Variants in FGF12 observed in about 807,000 individuals in gnomAD.
FGF12 encodes the protein fibroblast growth factor 12B.
In FGF12, 14 loss-of-function variants were observed where a neutral mutation model predicts 23.6. The observed-to-expected ratio is 0.59, with a 90% CI of 0.39 to 0.93. The LOEUF (loss-of-function observed/expected upper bound fraction) is 0.93, where lower values mean the gene tolerates loss of function less well. Among genes scored for constraint, FGF12 ranks in the 40% least tolerant of loss-of-function variants. The probability of loss-of-function intolerance (pLI) is 0.00; values close to 1 mark genes in which losing one functional copy is unlikely to be tolerated. For missense variants in FGF12, 175 were observed against 217.8 expected (o/e 0.80, Z 1.24); for synonymous variants, 62 against 77.3 (o/e 0.80, Z 1.04).
chr3:192,727,265 A>G lies in FGF12; in HGVS notation c.-72T>C. On this transcript the variant is annotated 5_prime_UTR_variant, in exon 2 of 6. Coordinates refer to ENST00000445105, the MANE Select transcript of FGF12 (RefSeq NM_004113.6). ...AGATGTGGGCCCGCTTCAGATTCCC[A>G]AATCTGGGAAGCCAATCTGATGATT... The G allele has an allele frequency of 1.3e-6, 2 of 1,555,392 alleles. No individual in the cohort carries two copies. The highest frequency in any genetic ancestry group is 8.7e-7 in the Non-Finnish European group (1 of 1,149,214).
chr3:192,622,857 C>T (rs1464976666), intron 2 of FGF12, among the ~76,000 whole-genome samples: 1 of 152,148 alleles, frequency 6.6e-6, no homozygotes, highest in Non-Finnish European at 1.5e-5. Context: ...GGGTGGCCTT[C>T]CTGGACAACC....
intron 2 of FGF12, among the ~76,000 whole-genome samples, chr3:192,368,536 C>A (rs921384891): frequency 6.6e-6 from 1 of 152,110 alleles, no homozygotes; most frequent in Non-Finnish European, 1.5e-5. Flanking sequence ...GAGCAGGGAG[C>A]AGCAAGTATA....
intron 2 of FGF12, among the ~76,000 whole-genome samples, chr3:192,367,640 A>G (rs982567449): frequency 6.6e-6 from 1 of 152,194 alleles, no homozygotes; most frequent in African/African-American, 2.4e-5. Flanking sequence ...CTACTGATCT[A>G]TGGGGATTCA....
intron 4 of FGF12, among the ~76,000 whole-genome samples, chr3:192,307,356 G>A (rs532205889): frequency 6.6e-6 from 1 of 152,292 alleles, no homozygotes; most frequent in South Asian, 2.1e-4. Flanking sequence ...TCCAGGGTAC[G>A]CTTTAGGTAA....
intron 2 of FGF12, among the ~76,000 whole-genome samples, chr3:192,630,554 A>ATTTT (rs10695787): frequency 8.5e-5 from 12 of 140,362 alleles, no homozygotes; most frequent in Non-Finnish European, 1.1e-4. Context: ...AAAAAATTCA[A>ATTTT]TTTTTTTTTT....
chr3:192,719,163 T>C (rs1370220059), intron 2 of FGF12, among the ~76,000 whole-genome samples: 1 of 152,218 alleles, frequency 6.6e-6, no homozygotes, highest in Non-Finnish European at 1.5e-5. Context: ...ATGCACCATG[T>C]GTATTTTATG....
chr3:192,175,218 TCCC>T (rs1192983456), intron 4 of FGF12, among the ~76,000 whole-genome samples: 3 of 152,120 alleles, frequency 2.0e-5, no homozygotes, highest in Admixed American at 2.0e-4. Context: ...GGTGATAAAA[TCCC>T]AGGCCACCTT....
At chr3:192,426,427 A>T (rs1721689093) in intron 2 of FGF12, among the ~76,000 whole-genome samples, 1 of 152,236 alleles carries the variant, frequency 6.6e-6, no homozygotes, top group Non-Finnish European at 1.5e-5. Context: ...GAACAAATAC[A>T]GGTATAAAGT....
chr3:192,378,036 T>C (rs544193864), intron 2 of FGF12, among the ~76,000 whole-genome samples: 4,906 of 65,878 alleles, frequency 0.074, 436 homozygotes, highest in Middle Eastern at 0.12. Flanking sequence ...TTTTCTTTCT[T>C]TCTTTCTTTC....
chr3:192,378,227 T>A (rs191953838), intron 2 of FGF12, among the ~76,000 whole-genome samples: 110 of 149,702 alleles, frequency 7.3e-4, no homozygotes, highest in Non-Finnish European at 1.3e-3. Context: ...TCTCCCGCCT[T>A]AGCCTCCTGA....
In FGF12 at chr3:192,514,314, A is replaced by T. The variant is rs1724588417; in HGVS notation, c.14-153776T>A. Reference sequence around the variant, plus strand: ...GAGCAACTTTTCGGAGACACTGAACAACTCCAAGTCGCGCGCCGCCCTCGC... The same window carrying T: ...GAGCAACTTTTCGGAGACACTGAACTACTCCAAGTCGCGCGCCGCCCTCGC... On this transcript the variant is annotated intron_variant, in intron 2 of 5. Transcript: ENST00000445105. The surrounding 1 kb of genome is among the most constrained non-coding windows in gnomAD (Gnocchi z 4.9). Among the ~76,000 whole-genome samples the T allele has an allele frequency of 6.6e-6, 1 of 152,240 alleles. No individual in the cohort carries two copies. Among genetic ancestry groups the T allele is most frequent in the South Asian group, 2.1e-4 (1 of 4,836 alleles).
chr3:192,584,900 C>T (rs1448237238), intron 2 of FGF12, among the ~76,000 whole-genome samples: 1 of 152,052 alleles, frequency 6.6e-6, no homozygotes, highest in Non-Finnish European at 1.5e-5. Flanking sequence ...GAATGCCATC[C>T]CCATCTCTAG....
At chr3:192,235,430 C>G (rs1361130456) in intron 4 of FGF12, among the ~76,000 whole-genome samples, 1 of 152,176 alleles carries the variant, frequency 6.6e-6, no homozygotes, top group Admixed American at 6.5e-5. Flanking sequence ...GCCTTAGCCT[C>G]CTGAGTAGCT....
chr3:192,158,395 C>CTTTT (rs1553844161), intron 5 of FGF12, among the ~76,000 whole-genome samples: 4 of 72,802 alleles, frequency 5.5e-5, no homozygotes, highest in African/African-American at 2.9e-4. Flanking sequence ...TTCTTTCTCT[C>CTTTT]TCTTTCTTTT....
chr3:192,297,339 G>C (rs1715099395), intron 4 of FGF12, among the ~76,000 whole-genome samples: 2 of 152,296 alleles, frequency 1.3e-5, no homozygotes, highest in Middle Eastern at 3.4e-3. Flanking sequence ...GAAGAGAAAA[G>C]TATACTGTTT....
chr3:192,231,792 T>G (rs1233073769), intron 4 of FGF12, among the ~76,000 whole-genome samples: 1 of 151,972 alleles, frequency 6.6e-6, no homozygotes. Context: ...TAATTGCAGT[T>G]TTAGTTACTA....
intron 2 of FGF12, among the ~76,000 whole-genome samples, chr3:192,568,141 T>C (rs2108601594): frequency 6.6e-6 from 1 of 152,290 alleles, no homozygotes; most frequent in East Asian, 1.9e-4. Context: ...CCTTTGCATG[T>C]GTTTCTTATA....
chr3:192,586,583 A>G (rs1429244358), intron 2 of FGF12, among the ~76,000 whole-genome samples: 1 of 152,218 alleles, frequency 6.6e-6, no homozygotes, highest in Non-Finnish European at 1.5e-5. Flanking sequence ...GTCTCCAGAA[A>G]GAGCTTAATT....
rs1724611844 is a variant in FGF12, at chr3:192,514,848, C to G, written c.14-154310G>C. 18 of 985,382 alleles carry G rather than the reference C, an allele frequency of 1.8e-5. No homozygotes were observed. The highest frequency in any genetic ancestry group is 1.8e-5 in the Non-Finnish European group (15 of 829,920). The allele number at this position is 985,382 out of a possible 1,614,324, so 61.0% of individuals were successfully genotyped here. On this transcript the variant is annotated intron_variant, in intron 2 of 5. Coordinates refer to ENST00000445105, the MANE Select transcript of FGF12 (RefSeq NM_004113.6). The surrounding 1 kb of genome is among the most constrained non-coding windows in gnomAD (Gnocchi z 4.9). ...CGGCCTGTCTTCGGAAGCCGGGTCC[C>G]GAGTCCATCGCGCGCGCCCAGGTGG...
Sources: allele counts gnomAD v4.1 joint callset (sites outside exome capture counted in the v4.1 genomes callset), GRCh38; gene constraint gnomAD v4.1.1; non-coding constraint Gnocchi (gnomAD v3.1); transcripts MANE v1.5; gene names NCBI Gene and HGNC (gene_info 2026-07-23, HGNC 2026-07-21).